The following MRC1 variants were observed in gnomAD, a reference collection of about 807,000 sequenced individuals.
The protein encoded by MRC1 is mannose receptor C-type 1.
A neutral mutation model predicts 102.9 loss-of-function variants in MRC1; 62 were observed. The ratio of observed to expected loss-of-function variants is 0.60; its 90% CI spans 0.49 to 0.74. MRC1 has a LOEUF of 0.74. MRC1 is among the 30% of genes least tolerant of loss of function. The pLI is 0.00. For synonymous variants in MRC1, 457 were observed against 298.4 expected (o/e 1.53, Z -5.48); for missense variants, 1,237 against 862.8 (o/e 1.43, Z -5.43).
intron 22 of MRC1, among the ~76,000 whole-genome samples, chr10:17,891,516 A>G (rs1218830177): frequency 6.6e-6 from 1 of 152,184 alleles, no homozygotes; most frequent in Non-Finnish European, 1.5e-5. Context: ...AGTAAAGTGC[A>G]TAATAAGCGT....
intron 3 of MRC1, among the ~76,000 whole-genome samples, chr10:17,829,609 A>AT (rs1425067893): frequency 4.0e-5 from 6 of 151,442 alleles, no homozygotes; most frequent in Admixed American, 3.3e-4. Context: ...ACATTGAGCA[A>AT]TTTTTTTCTA....
At chr10:17,878,093 A>G in intron 18 of MRC1, 126 bp downstream of exon 18, 1 of 659,012 alleles carries the variant, frequency 1.5e-6, no homozygotes, top group Non-Finnish European at 2.7e-6. Context: ...CAATTGAAAA[A>G]GCAACTTGAA....
intron 10 of MRC1, among the ~76,000 whole-genome samples, 199 bp from the exon 11 acceptor site, chr10:17,863,335 A>T (rs1456918323): frequency 6.6e-6 from 1 of 152,138 alleles, no homozygotes; most frequent in Non-Finnish European, 1.5e-5. Context: ...GCTATATGGT[A>T]TTTTTCCATC....
chr10:17,879,416 G>A (rs1554842270), intron 18 of MRC1, among the ~76,000 whole-genome samples: 1 of 152,176 alleles, frequency 6.6e-6, no homozygotes, highest in African/African-American at 2.4e-5. Flanking sequence ...GTGCAATGGT[G>A]CGATCTTGGT....
At chr10:17,850,747 T>A (rs984142577) in intron 7 of MRC1, among the ~76,000 whole-genome samples, 14 of 152,168 alleles carry the variant, frequency 9.2e-5, no homozygotes, top group Admixed American at 3.9e-4. Flanking sequence ...TGACACATAG[T>A]GCCTGGAAAC....
chr10:17,902,672 T>C (rs955099546), intron 26 of MRC1, among the ~76,000 whole-genome samples: 5 of 152,334 alleles, frequency 3.3e-5, no homozygotes, highest in South Asian at 4.1e-4. Flanking sequence ...CTTCATGTTT[T>C]TTATGCCCTA....
intron 4 of MRC1, among the ~76,000 whole-genome samples, chr10:17,838,839 C>G (rs1211361742): frequency 6.6e-6 from 1 of 152,092 alleles, no homozygotes; most frequent in African/African-American, 2.4e-5. Flanking sequence ...GAGTTGGTGT[C>G]TGGAAACAAA....
In MRC1 at chr10:17,859,048, G is replaced by A. The variant is rs969013924; in HGVS notation, c.1519-2339G>A. On this transcript the variant is annotated intron_variant, in intron 9 of 29. Transcript: ENST00000569591. ...TTGCTTTTTATCTTTTCATCCAATTGACTAATTTCCTATGAAACCCTGATT... is the reference window on the plus strand; with the variant it reads ...TTGCTTTTTATCTTTTCATCCAATTAACTAATTTCCTATGAAACCCTGATT... Among the ~76,000 whole-genome samples the A allele has an allele frequency of 2.6e-5, 4 of 151,886 alleles. No individual in the cohort carries two copies. The East Asian group carries it at 5.8e-4, about 22-fold the overall frequency.
chr10:17,828,308 C>G (rs1406058646), intron 3 of MRC1, among the ~76,000 whole-genome samples: 4 of 151,470 alleles, frequency 2.6e-5, no homozygotes, highest in African/African-American at 9.8e-5. Context: ...GATCTGCTAA[C>G]CTCGTGATCC....
chr10:17,903,382 C>CTTTTTTTTTTTTT, intron 26 of MRC1, among the ~76,000 whole-genome samples: 1 of 125,052 alleles, frequency 8.0e-6, no homozygotes, highest in Non-Finnish European at 1.7e-5. Flanking sequence ...TTTTTCTTTT[C>CTTTTTTTTTTTTT]TTTTTTTTTC....
intron 21 of MRC1, among the ~76,000 whole-genome samples, chr10:17,884,363 C>G (rs1833560709): frequency 1.3e-5 from 2 of 152,150 alleles, no homozygotes; most frequent in East Asian, 3.9e-4. Flanking sequence ...CCCCACCTCC[C>G]CAGGAGGAAT....
At position 17,818,927 on chromosome 10, in the gene MRC1, G is replaced by A. The variant is rs998776944; in HGVS notation, c.62-4147G>A. ...TGGAGAGTTTGAGGAGCTGAAAGGT[G>A]GTGTGGTTGGTGGTGAGGGCAGACA... On this transcript the variant is annotated intron_variant, in intron 1 of 29. Coordinates refer to ENST00000569591, the MANE Select transcript of MRC1 (RefSeq NM_002438.4). 5.3e-4 allele frequency among the ~76,000 whole-genome samples: 81 copies of A among 152,280 alleles called. No individual in the cohort carries two copies. The South Asian group carries it at 0.016, about 30-fold the overall frequency.
At chr10:17,889,734 A>G (rs1203089734) in intron 22 of MRC1, among the ~76,000 whole-genome samples, 2 of 152,326 alleles carry the variant, frequency 1.3e-5, no homozygotes, top group African/African-American at 4.8e-5. Flanking sequence ...TCCATAAGCT[A>G]TTATCACCAA....
chr10:17,852,983 G>A lies in MRC1; in HGVS notation c.1266G>A (p.Leu422=). 2 of 780,798 alleles carry A rather than the reference G, an allele frequency of 2.6e-6. No individual in the cohort carries two copies. The highest frequency in any genetic ancestry group is 1.3e-5 in the South Asian group (1 of 74,612). 48.4% of individuals were successfully genotyped at this position (780,798 alleles called of 1,614,324 possible). ...CCTGTTTAGAGCCAAATGACGAATT[G>A]TGGATCGGCTTAAATGACATTAAGA... ...SQLGYEPNDE[L]WIGLNDIKIQ... is the part of the protein sequence containing the mutation. Residue 422 remains leucine (L), a synonymous_variant, in exon 8 of 30, where the codon TTG becomes TTA. Transcript: ENST00000569591.
Position 17,870,976 on chromosome 10 carries a change from G to A in MRC1, c.2199+41G>A, listed in dbSNP as rs1045444268. 2.1e-3 allele frequency: 1,828 copies of A among 856,186 alleles called. 2 individuals carry two copies. The highest frequency in any genetic ancestry group is 2.9e-3 in the Non-Finnish European group (1,447 of 492,244). 53.0% of individuals were successfully genotyped at this position (856,186 alleles called of 1,614,324 possible). A position where few individuals can be genotyped will look rare whatever the true frequency, so the allele number is the denominator to read the frequency against. ...TACTATATAACTTTCTTACTTTATC[G>A]TGTATTTATTTTGATGTTGTCTTTT... On this transcript the variant is annotated intron_variant, in intron 14 of 29. Transcript: ENST00000569591.
At chr10:17,890,867 A>G (rs991199625) in intron 22 of MRC1, among the ~76,000 whole-genome samples, 2 of 152,086 alleles carry the variant, frequency 1.3e-5, no homozygotes, top group Non-Finnish European at 2.9e-5. Context: ...AGCTTCATCT[A>G]TATTTACAGC....
chr10:17,875,839 A>C (rs1260129157), intron 17 of MRC1, among the ~76,000 whole-genome samples: 1 of 152,216 alleles, frequency 6.6e-6, no homozygotes, highest in Non-Finnish European at 1.5e-5. Flanking sequence ...AGGAATCTCC[A>C]TACTGTTTTG....
Position 17,833,731 on chromosome 10 carries a change from A to G in MRC1, c.694A>G (p.Ile232Val). The G allele has an allele frequency of 3.8e-6, 3 of 781,068 alleles. No individual in the cohort carries two copies. The East Asian group carries it at 7.3e-5, about 19-fold the overall frequency. The allele number at this position is 781,068 out of a possible 1,614,324, so 48.4% of individuals were successfully genotyped here. A position where few individuals can be genotyped will look rare whatever the true frequency, so the allele number is the denominator to read the frequency against. The stretch of plus-strand genomic sequence containing the variant: ...CCCGCTGACCAGCGTTTCCTACCAG[A>G]TAAACTCCAAATCCGCTTTAACGTG... ...KDPLTSVSYQ[I>V]NSKSALTWHQ... Residue 232 changes from isoleucine to valine, a missense_variant, in exon 4 of 30, where the codon ATA (isoleucine) becomes GTA (valine). Physicochemically the swap from Ile to Val is conservative, Grantham distance 29 (BLOSUM62 3). Transcript: ENST00000569591.
At chr10:17,870,977 T>A (rs1833347401) in intron 14 of MRC1, 42 bp downstream of exon 14, 4 of 855,334 alleles carry the variant, frequency 4.7e-6, no homozygotes, top group Non-Finnish European at 6.1e-6. Flanking sequence ...TACTTTATCG[T>A]GTATTTATTT....
Sources: gnomAD v4.1 joint callset for allele counts (sites outside exome capture counted in the v4.1 genomes callset) on GRCh38, gnomAD v4.1.1 for gene constraint, MANE v1.5 for transcripts, NCBI Gene and HGNC (gene_info 2026-07-23, HGNC 2026-07-21) for gene names.